The following PCP4 variants were observed in gnomAD, a reference collection of about 807,000 sequenced individuals.
PCP4 encodes the protein calmodulin regulator protein PCP4.
PCP4 carries 8 observed loss-of-function variants against 10.0 expected under a neutral mutation model. That is an observed-to-expected ratio of 0.80 (90% CI 0.47 to 1.45). The LOEUF (loss-of-function observed/expected upper bound fraction) is 1.45, where lower values mean the gene tolerates loss of function less well. Among genes scored for constraint, PCP4 ranks in the 40% most tolerant of loss-of-function variants. The pLI is 0.00. For synonymous variants in PCP4, 21 were observed against 23.0 expected (o/e 0.91, Z 0.24); for missense variants, 54 against 74.4 (o/e 0.73, Z 1.01).
intron 1 of PCP4, among the ~76,000 whole-genome samples, chr21:39,889,411 C>CTTTT (rs547540626): frequency 1.1e-4 from 9 of 85,694 alleles, no homozygotes; most frequent in Non-Finnish European, 1.3e-4. Context: ...AAACCAAGTT[C>CTTTT]TTTTTTTTTT....
At chr21:39,890,522 AT>A (rs60378259) in intron 1 of PCP4, among the ~76,000 whole-genome samples, 51,286 of 142,600 alleles carry the variant, frequency 0.36, 8,933 homozygotes, top group African/African-American at 0.44. Context: ...CACCCAGCTC[AT>A]TTTTTTTTTT....
chr21:39,877,661 C>G (rs1334882539), intron 1 of PCP4, among the ~76,000 whole-genome samples: 1 of 152,078 alleles, frequency 6.6e-6, no homozygotes, highest in African/African-American at 2.4e-5. Context: ...CATGCCACTG[C>G]ACTCCAGCCT....
rs2087456495 is a variant in PCP4 at position 39,896,220 on chromosome 21, T to G, written c.10-2256T>G. 2.6e-5 allele frequency among the ~76,000 whole-genome samples: 4 copies of G among 152,248 alleles called. No individual in the cohort carries two copies. In the South Asian group the frequency reaches 8.3e-4, roughly 31 times the overall value. On this transcript the variant is annotated intron_variant, in intron 1 of 2. Coordinates refer to ENST00000328619, the MANE Select transcript of PCP4 (RefSeq NM_006198.3). ...CATTTAAAGACTGTGGGGTTGAGCA[T>G]GCACCTATTTTGCACTTGCCTTCCA...
rs1243195361 is a variant in PCP4, at chr21:39,927,327, A to G, written c.62-1657A>G. 1.0e-4 allele frequency among the ~76,000 whole-genome samples: 4 copies of G among 38,234 alleles called. No individual in the cohort carries two copies. The East Asian group carries it at 1.3e-3, about 13-fold the overall frequency. 25.1% of individuals were successfully genotyped at this position (38,234 alleles called of 152,430 possible). A position where few individuals can be genotyped will look rare whatever the true frequency, so the allele number is the denominator to read the frequency against. On this transcript the variant is annotated intron_variant, in intron 2 of 2. Coordinates refer to ENST00000328619, the MANE Select transcript of PCP4 (RefSeq NM_006198.3). ...CTATCTATCTATCTATCTATCATCT[A>G]TCTATCTATCTGTCTATCTATCTAT...
intron 1 of PCP4, chr21:39,898,236 C>T: frequency 1.8e-6 from 1 of 541,846 alleles, no homozygotes; most frequent in Non-Finnish European, 3.3e-6. Context: ...TCTCTTGTTA[C>T]TGGTGACCTG....
At chr21:39,867,610 G>A in intron 1 of PCP4, 100 bp downstream of exon 1, 1 of 1,079,778 alleles carries the variant, frequency 9.3e-7, no homozygotes, top group Non-Finnish European at 1.4e-6. Flanking sequence ...GCAGTGCTGA[G>A]GAACAAATTA....
At chr21:39,903,191 C>G (rs1238266095) in intron 2 of PCP4, among the ~76,000 whole-genome samples, 1 of 152,068 alleles carries the variant, frequency 6.6e-6, no homozygotes, top group Non-Finnish European at 1.5e-5. Context: ...GAATAATAAA[C>G]CTCGTGATGG....
intron 2 of PCP4, among the ~76,000 whole-genome samples, chr21:39,923,810 C>T (rs1331188376): frequency 6.6e-6 from 1 of 152,232 alleles, no homozygotes; most frequent in African/African-American, 2.4e-5. Context: ...CTGCTCCCTC[C>T]TGGACACAGA....
intron 1 of PCP4, among the ~76,000 whole-genome samples, chr21:39,881,982 C>T (rs1208913845): frequency 6.6e-6 from 1 of 152,198 alleles, no homozygotes; most frequent in African/African-American, 2.4e-5. Context: ...GTTTTCTCTC[C>T]ATCCAGTCGG....
At chr21:39,900,293 C>G (rs2087476871) in intron 2 of PCP4, among the ~76,000 whole-genome samples, 1 of 152,168 alleles carries the variant, frequency 6.6e-6, no homozygotes, top group Non-Finnish European at 1.5e-5. Flanking sequence ...CCTCGGCCCC[C>G]CAAAGTGGTG....
rs2087544426 is a variant in PCP4, at chr21:39,912,328, A to AG, written c.61+13801_61+13802insG. ...TTTTGAAAGGTTTTTTTTTTTTTTT[A>AG]AAGTATTTCCAAACTGATTAATTTT... On this transcript the variant is annotated intron_variant, in intron 2 of 2. Coordinates refer to ENST00000328619, the MANE Select transcript of PCP4 (RefSeq NM_006198.3). 6.7e-5 allele frequency among the ~76,000 whole-genome samples: 4 copies of AG among 60,072 alleles called. No homozygotes were observed. The South Asian group carries it at 3.3e-3, about 50-fold the overall frequency. The allele number at this position is 60,072 out of a possible 152,430, so 39.4% of individuals were successfully genotyped here.
chr21:39,898,975 G>T (rs1454378878), intron 2 of PCP4, among the ~76,000 whole-genome samples: 1 of 152,198 alleles, frequency 6.6e-6, no homozygotes, highest in African/African-American at 2.4e-5. Context: ...GGAAGGTGCT[G>T]AGTCAGTGAA....
intron 1 of PCP4, among the ~76,000 whole-genome samples, chr21:39,894,588 G>C (rs1007637013): frequency 6.6e-6 from 1 of 152,092 alleles, no homozygotes; most frequent in East Asian, 1.9e-4. Flanking sequence ...ATGACACATT[G>C]GTGGTATTCA....
At chr21:39,872,132 G>C (rs540699630) in intron 1 of PCP4, among the ~76,000 whole-genome samples, 1 of 152,160 alleles carries the variant, frequency 6.6e-6, no homozygotes, top group Admixed American at 6.5e-5. Flanking sequence ...CTGAGTAGCT[G>C]GGACTATAGG....
At chr21:39,885,777 G>A (rs1205439290) in intron 1 of PCP4, among the ~76,000 whole-genome samples, 1 of 152,240 alleles carries the variant, frequency 6.6e-6, no homozygotes, top group Non-Finnish European at 1.5e-5. Flanking sequence ...TTTCTTTCCT[G>A]AGCGTGCTTC....
intron 1 of PCP4, among the ~76,000 whole-genome samples, chr21:39,881,614 G>A (rs754818826): frequency 4.6e-5 from 7 of 152,178 alleles, no homozygotes; most frequent in Non-Finnish European, 1.0e-4. Context: ...CCCTGACAAT[G>A]TGAAATGCAT....
At chr21:39,884,173 C>A (rs1284430789) in intron 1 of PCP4, among the ~76,000 whole-genome samples, 1 of 151,542 alleles carries the variant, frequency 6.6e-6, no homozygotes, top group Non-Finnish European at 1.5e-5. Context: ...TTGACATATG[C>A]AGTCTTTTTT....
chr21:39,868,593 T>G (rs1198940156), intron 1 of PCP4, among the ~76,000 whole-genome samples: 1 of 152,202 alleles, frequency 6.6e-6, no homozygotes, highest in African/African-American at 2.4e-5. Context: ...ATGGTACCTG[T>G]AACAGCAGCT....
At chr21:39,913,837 TAAG>T (rs2087553854) in intron 2 of PCP4, among the ~76,000 whole-genome samples, 2 of 152,174 alleles carry the variant, frequency 1.3e-5, no homozygotes, top group African/African-American at 4.8e-5. Flanking sequence ...CTTGTGCATT[TAAG>T]AAGGCTTGTA....
Sources: gnomAD v4.1 joint callset for allele counts (sites outside exome capture counted in the v4.1 genomes callset) on GRCh38, gnomAD v4.1.1 for gene constraint, MANE v1.5 for transcripts, NCBI Gene and HGNC (gene_info 2026-07-23, HGNC 2026-07-21) for gene names.